Variants in CNTLN observed in about 807,000 individuals in gnomAD.
The protein encoded by CNTLN is centlein.
A neutral mutation model predicts 180.0 loss-of-function variants in CNTLN; 212 were observed. The observed-to-expected ratio is 1.18, with a 90% confidence interval of 1.05 to 1.32. The LOEUF (loss-of-function observed/expected upper bound fraction) is 1.32, where lower values mean the gene tolerates loss of function less well. CNTLN is among the 40% of genes most tolerant of loss of function. The probability of loss-of-function intolerance (pLI) is 0.00; values close to 1 mark genes in which losing one functional copy is unlikely to be tolerated. For missense variants in CNTLN, 2,095 were observed against 1,610.9 expected, an observed-to-expected ratio of 1.30 and a Z score of -5.14; for synonymous variants, 722 against 563.1, an observed-to-expected ratio of 1.28 and a Z score of -3.99.
At chr9:17,414,878 C>T (rs1828108953) in intron 16 of CNTLN, among the ~76,000 whole-genome samples, 1 of 152,084 alleles carries the variant, frequency 6.6e-6, no homozygotes, top group Admixed American at 6.6e-5. Context: ...TCACTGGATA[C>T]CAGGAGTTTG....
rs142046523 is a variant in CNTLN, at chr9:17,246,133, CTATT to C, written c.849+9546_849+9549del. ...ATCCAGGCATTGAAGAGTTAGGTAT[CTATT>C]GCATTCTTTACAGTCTGGGATTGTT... is the stretch of plus-strand genomic sequence containing the variant. On this transcript the variant is annotated intron_variant, in intron 5 of 25. Transcript: ENST00000380647. Among the ~76,000 whole-genome samples, 2,634 of 152,146 alleles carry C rather than the reference CTATT, an allele frequency of 0.017. 163 individuals carry two copies. The East Asian group carries it at 0.24, about 14-fold the overall frequency.
At chr9:17,487,269 G>C (rs1832941244) in intron 25 of CNTLN, 1 of 552,242 alleles carries the variant, frequency 1.8e-6, no homozygotes, top group Non-Finnish European at 3.2e-6. Context: ...CCTTGGGATA[G>C]AGCCAACATG....
At chr9:17,147,203 TTGTAG>T (rs1818514760) in intron 2 of CNTLN, among the ~76,000 whole-genome samples, 1 of 152,208 alleles carries the variant, frequency 6.6e-6, no homozygotes, top group Non-Finnish European at 1.5e-5. Flanking sequence ...ATAGACTTCA[TTGTAG>T]TGAATGAGAG....
intron 2 of CNTLN, among the ~76,000 whole-genome samples, chr9:17,176,314 A>G (rs184351812): frequency 2.0e-5 from 3 of 151,936 alleles, no homozygotes; most frequent in Admixed American, 2.0e-4. Flanking sequence ...TGGGCATTTG[A>G]TTCCATGAAA....
chr9:17,404,763 A>T (rs113982788), intron 15 of CNTLN, among the ~76,000 whole-genome samples: 1,755 of 139,138 alleles, frequency 0.013, 73 homozygotes, highest in African/African-American at 0.045. Flanking sequence ...TTTGAGACAG[A>T]GTCTTGCTCT....
chr9:17,298,653 A>T (rs1184660246), intron 7 of CNTLN: 1 of 1,030,914 alleles, frequency 9.7e-7, no homozygotes. Flanking sequence ...ATAGTCTCAA[A>T]ACTGGAATGG....
At chr9:17,325,871 G>A (rs779318911) in intron 8 of CNTLN, among the ~76,000 whole-genome samples, 1 of 151,924 alleles carries the variant, frequency 6.6e-6, no homozygotes, top group Non-Finnish European at 1.5e-5. Context: ...AACAATTTAA[G>A]TTACAATTTT....
chr9:17,279,694 A>T (rs1455271554), intron 6 of CNTLN, among the ~76,000 whole-genome samples: 2 of 151,864 alleles, frequency 1.3e-5, no homozygotes, highest in African/African-American at 2.4e-5. Context: ...GTTTCCTGTC[A>T]AACCTGGTCT....
At chr9:17,338,696 T>C (rs1400340457) in intron 10 of CNTLN, among the ~76,000 whole-genome samples, 1 of 152,160 alleles carries the variant, frequency 6.6e-6, no homozygotes, top group Non-Finnish European at 1.5e-5. Context: ...AGACATTAAG[T>C]AGTATTTGGA....
At chr9:17,305,857 G>C (rs1463456582) in intron 7 of CNTLN, among the ~76,000 whole-genome samples, 1 of 152,140 alleles carries the variant, frequency 6.6e-6, no homozygotes, top group East Asian at 1.9e-4. Context: ...AAGAAAACAG[G>C]CAAGTAGGAG....
intron 7 of CNTLN, among the ~76,000 whole-genome samples, chr9:17,304,813 A>C (rs1476894040): frequency 6.6e-6 from 1 of 152,124 alleles, no homozygotes; most frequent in Admixed American, 6.6e-5. Context: ...TCATTCTTAT[A>C]AGTAATCCGG....
chr9:17,324,873 A>G (rs915437600), intron 8 of CNTLN, among the ~76,000 whole-genome samples: 1 of 152,110 alleles, frequency 6.6e-6, no homozygotes, highest in Non-Finnish European at 1.5e-5. Flanking sequence ...TGATAGTGTT[A>G]TAAGCGGAGA....
intron 2 of CNTLN, among the ~76,000 whole-genome samples, chr9:17,216,892 T>G (rs1455143211): frequency 6.6e-6 from 1 of 152,220 alleles, no homozygotes; most frequent in Non-Finnish European, 1.5e-5. Flanking sequence ...AATTATGCCA[T>G]CTGGTAGCAA....
At chr9:17,147,027 A>C (rs906180627) in intron 2 of CNTLN, among the ~76,000 whole-genome samples, 1 of 152,100 alleles carries the variant, frequency 6.6e-6, no homozygotes, top group East Asian at 1.9e-4. Context: ...ATGAACCTTC[A>C]CTGCCTTGCT....
chr9:17,334,361 T>A (rs1820851530), intron 10 of CNTLN, among the ~76,000 whole-genome samples: 1 of 151,822 alleles, frequency 6.6e-6, no homozygotes, highest in African/African-American at 2.4e-5. Context: ...CTCCTGGCCC[T>A]TTTGCATAAT....
chr9:17,181,466 T>C (rs773239765), intron 2 of CNTLN, among the ~76,000 whole-genome samples: 5 of 152,254 alleles, frequency 3.3e-5, no homozygotes, highest in Non-Finnish European at 7.3e-5. Flanking sequence ...TTGAAGCATT[T>C]TCATTATGGC....
intron 18 of CNTLN, among the ~76,000 whole-genome samples, chr9:17,433,733 C>A (rs943183185): frequency 6.6e-6 from 1 of 151,886 alleles, no homozygotes; most frequent in African/African-American, 2.4e-5. Flanking sequence ...GTGTGTGTCA[C>A]CATGCCCAAC....
intron 6 of CNTLN, among the ~76,000 whole-genome samples, chr9:17,279,830 G>GGGTCATGAA (rs1563951692): frequency 5.2e-5 from 5 of 96,808 alleles, no homozygotes; most frequent in African/African-American, 1.8e-4. Context: ...GTGGGACATT[G>GGGTCATGAA]GGCTCTGCCT....
chr9:17,387,296 T>C (rs1564058523), intron 13 of CNTLN, among the ~76,000 whole-genome samples: 1 of 152,158 alleles, frequency 6.6e-6, no homozygotes, highest in Non-Finnish European at 1.5e-5. Flanking sequence ...CACAGATATA[T>C]ATCCTTTTAG....
Sources: allele counts gnomAD v4.1 joint callset (sites outside exome capture counted in the v4.1 genomes callset), GRCh38; gene constraint gnomAD v4.1.1; transcripts MANE v1.5; gene names NCBI Gene and HGNC (gene_info 2026-07-23, HGNC 2026-07-21).